ATP13A4: variants seen among roughly 807,000 people sequenced by gnomAD.
ATP13A4 encodes the protein probable cation-transporting ATPase 13A4.
A neutral mutation model predicts 142.5 loss-of-function variants in ATP13A4; 114 were observed. The ratio of observed to expected loss-of-function variants is 0.80; its 90% CI spans 0.69 to 0.93. ATP13A4 has a LOEUF of 0.93. Among genes scored for constraint, ATP13A4 ranks in the 40% least tolerant of loss-of-function variants. The probability of loss-of-function intolerance (pLI) is 0.00; values close to 1 mark genes in which losing one functional copy is unlikely to be tolerated. For synonymous variants in ATP13A4, 488 were observed against 514.8 expected, an observed-to-expected ratio of 0.95 and a Z score of 0.70; for missense variants, 1,392 against 1,454.0, an observed-to-expected ratio of 0.96 and a Z score of 0.69.
At chr3:193,503,941 T>C (rs769946494) in intron 2 of ATP13A4, among the ~76,000 whole-genome samples, 12 of 151,620 alleles carry the variant, frequency 7.9e-5, no homozygotes, top group Non-Finnish European at 1.6e-4. Context: ...TGGGTAGGAA[T>C]TGTGTATGAT....
rs73198939 is a variant in ATP13A4 at position 193,407,265 on chromosome 3, C to G, written c.3378+48G>C. On this transcript the variant is annotated intron_variant, in intron 29 of 29. Coordinates refer to ENST00000342695, the MANE Select transcript of ATP13A4 (RefSeq NM_032279.4). ...AGTCCCAAAGAAGTCCCCCTACACA[C>G]ATGCGTGCACACACACAAGATCAGC... 6,989 of 1,521,744 alleles carry G rather than the reference C, an allele frequency of 4.6e-3. 27 individuals carry two copies. Among genetic ancestry groups the G allele is most frequent in the Non-Finnish European group, 5.0e-3 (5,451 of 1,099,090 alleles). 94.3% of individuals were successfully genotyped at this position (1,521,744 alleles called of 1,614,324 possible). A position where few individuals can be genotyped will look rare whatever the true frequency, so the allele number is the denominator to read the frequency against.
In ATP13A4 at chr3:193,470,755, A is replaced by G. The variant is rs116378429; in HGVS notation, c.943+104T>C. ...GGTCCCATAGCAGCCAGTGCTTTAC[A>G]GCCAGCCACTGTCATTCAGGTAGAG... is the stretch of plus-strand genomic sequence containing the variant. On this transcript the variant is annotated intron_variant, in intron 9 of 29. Coordinates refer to ENST00000342695, the MANE Select transcript of ATP13A4 (RefSeq NM_032279.4). 2.5e-4 allele frequency: 393 copies of G among 1,550,750 alleles called. 1 individual carries two copies. The African/African-American group carries it at 4.8e-3, about 19-fold the overall frequency.
At position 193,489,835 on chromosome 3, in the gene ATP13A4, G is replaced by C; in HGVS notation, c.633C>G (p.Leu211=). ...CACTAAACCACAAACAGACACTGAAGAGTTGAAATATATAAAATGGATTTA... is the reference window on the plus strand; with the variant it reads ...CACTAAACCACAAACAGACACTGAACAGTTGAAATATATAAAATGGATTTA... ...EVLNPFYIFQ[L]FSVCLWFSED... Residue 211 remains leucine, a synonymous_variant, in exon 7 of 30, where the codon CTC becomes CTG. Coordinates refer to ENST00000342695, the MANE Select transcript of ATP13A4 (RefSeq NM_032279.4). The C allele has an allele frequency of 6.2e-7, 1 of 1,612,804 alleles. No individual in the cohort carries two copies. Among genetic ancestry groups the C allele is most frequent in the Admixed American group, 1.7e-5 (1 of 60,002 alleles).
intron 2 of ATP13A4, among the ~76,000 whole-genome samples, chr3:193,578,431 C>A (rs994682718): frequency 7.9e-5 from 12 of 152,086 alleles, no homozygotes; most frequent in Admixed American, 7.9e-4. Context: ...CAACTGCTGC[C>A]ATTTTGGTGG....
intron 17 of ATP13A4, among the ~76,000 whole-genome samples, chr3:193,452,258 C>T (rs1159610145): frequency 6.6e-6 from 1 of 152,190 alleles, no homozygotes; most frequent in Non-Finnish European, 1.5e-5. Context: ...CCCTTCCCTT[C>T]CCTGGACGCA....
intron 8 of ATP13A4, among the ~76,000 whole-genome samples, chr3:193,474,651 G>A (rs1560214279): frequency 8.0e-6 from 1 of 125,110 alleles, no homozygotes; most frequent in African/African-American, 3.0e-5. Flanking sequence ...AAGAAAGGAA[G>A]AAAGAAAGAA....
At chr3:193,412,847 C>T (rs1714844046) in intron 26 of ATP13A4, among the ~76,000 whole-genome samples, 1 of 152,098 alleles carries the variant, frequency 6.6e-6, no homozygotes, top group Non-Finnish European at 1.5e-5. Flanking sequence ...CATGGTGAAA[C>T]ACCATCTCTA....
chr3:193,399,485 A>T lies in ATP13A4; in HGVS notation c.*3167T>A, dbSNP rs1326787949. 6.6e-6 allele frequency among the ~76,000 whole-genome samples: 1 copy of T among 152,120 alleles called. No individual in the cohort carries two copies. Among genetic ancestry groups the T allele is most frequent in the African/African-American group, 2.4e-5 (1 of 41,432 alleles). ...CTATATGTCCACACAATCGGATCTGACAAGGCTGGGAGCCCTCCCTCCAGA... is the reference window on the plus strand; with the variant it reads ...CTATATGTCCACACAATCGGATCTGTCAAGGCTGGGAGCCCTCCCTCCAGA... On this transcript the variant is annotated 3_prime_UTR_variant, in exon 30 of 30. Coordinates refer to ENST00000342695, the MANE Select transcript of ATP13A4 (RefSeq NM_032279.4).
At chr3:193,580,937 T>C (rs1012761057) in intron 2 of ATP13A4, among the ~76,000 whole-genome samples, 2 of 152,224 alleles carry the variant, frequency 1.3e-5, no homozygotes, top group Non-Finnish European at 2.9e-5. Context: ...GTTTAACAAC[T>C]GGCTCTTCCA....
intron 8 of ATP13A4, among the ~76,000 whole-genome samples, chr3:193,479,042 A>T (rs1174531358): frequency 1.3e-5 from 2 of 152,216 alleles, no homozygotes; most frequent in African/African-American, 4.8e-5. Flanking sequence ...ATAGATGCAT[A>T]AAAAGCATTT....
chr3:193,423,634 C>A lies in ATP13A4; in HGVS notation c.2843-8884G>T, dbSNP rs1715507137. Reference sequence around the variant, plus strand: ...ATTTAACAATATTCAAAATTCCCTTCTGCTAAAAACTCTGAACAAATTAAG... The same window carrying A: ...ATTTAACAATATTCAAAATTCCCTTATGCTAAAAACTCTGAACAAATTAAG... On this transcript the variant is annotated intron_variant, in intron 25 of 29. Transcript: ENST00000342695. Among the ~76,000 whole-genome samples the A allele has an allele frequency of 1.3e-5, 2 of 149,576 alleles. 1 individual carries two copies. The highest frequency in any genetic ancestry group is 1.4e-4 in the Admixed American group (2 of 14,470).
rs149388699 is a variant in ATP13A4 at position 193,483,997 on chromosome 3, T to C, written c.747A>G (p.Val249=). 7.5e-6 allele frequency: 12 copies of C among 1,608,344 alleles called. No homozygotes were observed. Among genetic ancestry groups the C allele is most frequent in the Non-Finnish European group, 1.0e-5 (12 of 1,175,024 alleles). The change falls in exon 8 of 30, where the codon GTA becomes GTG. Residue 249 remains valine, a synonymous_variant. Coordinates refer to ENST00000342695, the MANE Select transcript of ATP13A4 (RefSeq NM_032279.4). ...GTGACTCGACGAGATGGTGGAGTTT[T>C]ACAGATTGCTGAAAAAGAAGGAAAA... ...LTVYDLREQS[V]KLHHLVESHN...
intron 2 of ATP13A4, among the ~76,000 whole-genome samples, chr3:193,507,264 T>C (rs987488071): frequency 1.3e-5 from 2 of 152,206 alleles, no homozygotes; most frequent in African/African-American, 4.8e-5. Context: ...TCTCAGGCTA[T>C]TCTAAAATGC....
chr3:193,520,128 TA>T (rs1405203403), intron 1 of ATP13A4, among the ~76,000 whole-genome samples: 5 of 151,870 alleles, frequency 3.3e-5, no homozygotes, highest in African/African-American at 1.2e-4. Flanking sequence ...AATCAATATA[TA>T]AATGAGTGGC....
chr3:193,560,214 C>CTTT lies in ATP13A4; in HGVS notation n.291+21490_291+21492dup, dbSNP rs527631417. 3.6e-3 allele frequency among the ~76,000 whole-genome samples: 522 copies of CTTT among 147,034 alleles called. 1 individual carries two copies. Among genetic ancestry groups the CTTT allele is most frequent in the South Asian group, 0.016 (73 of 4,618 alleles). ...TCACACAACATCATATTGCTACTCACTTTTTTTTTTTTGAGACAGGGTCTC... is the reference window on the plus strand; with the variant it reads ...TCACACAACATCATATTGCTACTCACTTTTTTTTTTTTTTTGAGACAGGGTCTC... On this transcript the variant is annotated intron_variant and non_coding_transcript_variant, in intron 2 of 3. Transcript: ENST00000489140.
intron 18 of ATP13A4, among the ~76,000 whole-genome samples, chr3:193,445,403 T>C (rs187304332): frequency 6.6e-6 from 1 of 151,786 alleles, no homozygotes; most frequent in African/African-American, 2.4e-5. Context: ...ACCACTGCAC[T>C]CCAGCCCTGG....
At chr3:193,490,943 T>G (rs1380122235) in intron 6 of ATP13A4, among the ~76,000 whole-genome samples, 2 of 152,148 alleles carry the variant, frequency 1.3e-5, no homozygotes, top group African/African-American at 4.8e-5. Flanking sequence ...AATAAATGGT[T>G]TTTTTCTTCC....
intron 23 of ATP13A4, among the ~76,000 whole-genome samples, chr3:193,436,466 T>G (rs1211229036): frequency 6.6e-6 from 1 of 152,056 alleles, no homozygotes; most frequent in African/African-American, 2.4e-5. Flanking sequence ...ACTTTTTTTT[T>G]TGTCAGAATC....
intron 18 of ATP13A4, among the ~76,000 whole-genome samples, chr3:193,446,358 C>T (rs1716954603): frequency 6.6e-6 from 1 of 151,990 alleles, no homozygotes; most frequent in African/African-American, 2.4e-5. Flanking sequence ...GTTTCTCCCA[C>T]TCCGATCTCT....
Sources: allele counts gnomAD v4.1 joint callset (sites outside exome capture counted in the v4.1 genomes callset), GRCh38; gene constraint gnomAD v4.1.1; transcripts MANE v1.5; gene names NCBI Gene and HGNC (gene_info 2026-07-23, HGNC 2026-07-21).